FAM177A1: variants seen among roughly 807,000 people sequenced by gnomAD.
The protein encoded by FAM177A1 is family with sequence similarity 177 member A1, also known as protein FAM177A1.
A neutral mutation model predicts 26.1 loss-of-function variants in FAM177A1; 22 were observed. That is an observed-to-expected ratio of 0.84 (90% confidence interval 0.60 to 1.20). The LOEUF is 1.20. Ranked by LOEUF, FAM177A1 falls within the 50% of genes most tolerant of loss-of-function variation. The pLI is 0.00. For missense variants in FAM177A1, 296 were observed against 291.1 expected (o/e 1.02, Z -0.12); for synonymous variants, 95 against 99.3 (o/e 0.96, Z 0.26).
At chr14:35,046,845 G>T (rs890799646) in intron 1 of FAM177A1, 2 of 1,355,836 alleles carry the variant, frequency 1.5e-6, no homozygotes, top group Admixed American at 3.7e-5. Flanking sequence ...CAGCACAGCA[G>T]ACTCTGGGGC....
At chr14:35,058,945 T>G (rs1159434813) in intron 2 of FAM177A1, among the ~76,000 whole-genome samples, 1 of 152,130 alleles carries the variant, frequency 6.6e-6, no homozygotes, top group Non-Finnish European at 1.5e-5. Flanking sequence ...TTTTTTGTTT[T>G]CTTTTTTTTT....
At chr14:35,059,604 G>A (rs947460894) in intron 2 of FAM177A1, among the ~76,000 whole-genome samples, 2 of 145,882 alleles carry the variant, frequency 1.4e-5, no homozygotes, top group African/African-American at 5.1e-5. Context: ...GCGCAATCTC[G>A]GCTCACTGCA....
intron 2 of FAM177A1, among the ~76,000 whole-genome samples, chr14:35,070,950 G>A (rs937240584): frequency 6.6e-6 from 1 of 151,732 alleles, no homozygotes; most frequent in Non-Finnish European, 1.5e-5. Context: ...GGTGGAAAAT[G>A]GGTGAATTAC....
At chr14:35,074,617 C>T (rs896230408) in intron 2 of FAM177A1, among the ~76,000 whole-genome samples, 1 of 151,976 alleles carries the variant, frequency 6.6e-6, no homozygotes, top group Non-Finnish European at 1.5e-5. Context: ...TGAGCCACTG[C>T]GCCCCGCCCC....
At position 35,046,946 on chromosome 14, in the gene FAM177A1, G is replaced by A. The variant is rs138316158; in HGVS notation, c.165+318G>A. The stretch of plus-strand genomic sequence containing the variant: ...CCCAAAGGCTGTCCTTGCAGTAGCT[G>A]GAAGCCAGGTGAGGGCGGCTTCAAC... On this transcript the variant is annotated intron_variant, in intron 1 of 4. Coordinates refer to ENST00000280987, the MANE Select transcript of FAM177A1 (RefSeq NM_173607.5). 6.2e-6 allele frequency: 7 copies of A among 1,133,584 alleles called. No individual in the cohort carries two copies. The East Asian group carries it at 3.7e-4, about 60-fold the overall frequency. 70.2% of individuals were successfully genotyped at this position (1,133,584 alleles called of 1,614,324 possible). A position where few individuals can be genotyped will look rare whatever the true frequency, so the allele number is the denominator to read the frequency against.
intron 2 of FAM177A1, among the ~76,000 whole-genome samples, chr14:35,075,156 G>C (rs940859291): frequency 8.5e-5 from 13 of 152,204 alleles, no homozygotes. Context: ...GCTTCATCTA[G>C]AGAGGCAGAT....
At chr14:35,077,904 T>C (rs193072468) in intron 3 of FAM177A1, among the ~76,000 whole-genome samples, 1 of 152,364 alleles carries the variant, frequency 6.6e-6, no homozygotes, top group East Asian at 1.9e-4. Context: ...TTAATTTATA[T>C]TTCTATTTCA....
In FAM177A1 at chr14:35,081,021, GGAAGAA is replaced by G. The variant is rs756991070; in HGVS notation, c.520_525del (p.Glu174_Glu175del). ...TTCTTGATATTGCTCCTTTTTTTTA[GGAAGAA>G]GAAGAAGAAGAAGAAAACAGGATGT... is the stretch of plus-strand genomic sequence containing the variant. On this transcript the variant is annotated inframe_deletion and splice_region_variant, in exon 5 of 5. Coordinates refer to ENST00000280987, the MANE Select transcript of FAM177A1 (RefSeq NM_173607.5). 89 of 1,589,128 alleles carry G rather than the reference GGAAGAA, an allele frequency of 5.6e-5. No homozygotes were observed. The highest frequency in any genetic ancestry group is 2.9e-4 in the East Asian group (13 of 44,216).
chr14:35,081,225 A>G lies in FAM177A1; in HGVS notation c.708A>G (p.Pro236=). The stretch of plus-strand genomic sequence containing the variant: ...AGCAAAATCCAGTCTCTGTCCCACC[A>G]TAAAATGAAATGACTATCAAGCTTC... The part of the protein sequence containing the change: ...ESKQNPVSVP[P] The change falls in exon 5 of 5, where the codon CCA becomes CCG. Residue 236 remains proline (P), a synonymous_variant. Coordinates refer to ENST00000280987, the MANE Select transcript of FAM177A1 (RefSeq NM_173607.5). 1 of 1,606,692 alleles carries G rather than the reference A, an allele frequency of 6.2e-7. No homozygotes were observed. The highest frequency in any genetic ancestry group is 2.2e-5 in the East Asian group (1 of 44,758).
intron 2 of FAM177A1, among the ~76,000 whole-genome samples, chr14:35,060,119 A>G (rs1339235145): frequency 1.3e-5 from 2 of 151,954 alleles, no homozygotes; most frequent in African/African-American, 2.4e-5. Flanking sequence ...GCTTACTGGC[A>G]TGCACCACCA....
chr14:35,080,815 C>G (rs1311041863), intron 4 of FAM177A1, among the ~76,000 whole-genome samples: 1 of 151,618 alleles, frequency 6.6e-6, no homozygotes, highest in Non-Finnish European at 1.5e-5. Flanking sequence ...CAAGAAAAAA[C>G]TACTTTCCTT....
rs570844153 is a variant in FAM177A1, at chr14:35,053,028, G to T, written c.166-250G>T. Reference sequence around the variant, plus strand: ...GTATTACTGGCCAAGACATCTGGAAGTTCAGAGATACAATGCTGATAATCT... The same window carrying T: ...GTATTACTGGCCAAGACATCTGGAATTTCAGAGATACAATGCTGATAATCT... On this transcript the variant is annotated intron_variant, in intron 1 of 4. Transcript: ENST00000280987. Among the ~76,000 whole-genome samples the T allele has an allele frequency of 6.6e-5, 10 of 152,288 alleles. No individual in the cohort carries two copies. In the East Asian group the frequency reaches 1.7e-3, roughly 26 times the overall value.
intron 2 of FAM177A1, among the ~76,000 whole-genome samples, chr14:35,076,138 C>T (rs1392713650): frequency 9.2e-5 from 14 of 152,140 alleles, no homozygotes; most frequent in Admixed American, 9.2e-4. Context: ...AAGACACATA[C>T]ACATGTATGT....
At chr14:35,071,605 T>G (rs2138561091) in intron 2 of FAM177A1, among the ~76,000 whole-genome samples, 1 of 152,312 alleles carries the variant, frequency 6.6e-6, no homozygotes, top group South Asian at 2.1e-4. Flanking sequence ...ATATTCATTC[T>G]GTATAGTTGT....
chr14:35,059,768 C>T (rs950528690), intron 2 of FAM177A1, among the ~76,000 whole-genome samples: 10 of 151,878 alleles, frequency 6.6e-5, no homozygotes, highest in African/African-American at 2.2e-4. Flanking sequence ...AGGTTGGTCT[C>T]GAACTCTTGA....
chr14:35,066,694 C>T (rs1052538577), intron 2 of FAM177A1, among the ~76,000 whole-genome samples: 1 of 152,064 alleles, frequency 6.6e-6, no homozygotes, highest in Admixed American at 6.6e-5. Context: ...CGTGAGCCAC[C>T]GCGCCTGGCC....
At chr14:35,056,496 C>T (rs905194744) in intron 2 of FAM177A1, among the ~76,000 whole-genome samples, 2 of 152,090 alleles carry the variant, frequency 1.3e-5, no homozygotes, top group African/African-American at 4.8e-5. Flanking sequence ...GCTGGGACTA[C>T]AGGCACATGC....
chr14:35,072,235 ATTG>A (rs1228818191), intron 2 of FAM177A1, among the ~76,000 whole-genome samples: 2 of 152,150 alleles, frequency 1.3e-5, no homozygotes, highest in African/African-American at 4.8e-5. Flanking sequence ...AGATCGCAAC[ATTG>A]CACTCCAGCC....
At chr14:35,046,223 ACCCGCCCCGCCCCGC>A (rs896418234), upstream of FAM177A1, 9 of 328,076 alleles carry the variant, frequency 2.7e-5, no homozygotes, top group Non-Finnish European at 3.2e-5. Context: ...CCCCGCAAGG[ACCCGCCCCGCCCCGC>A]CCCGCCCCGC....
Sources: gnomAD v4.1 joint callset for allele counts (sites outside exome capture counted in the v4.1 genomes callset) on GRCh38, gnomAD v4.1.1 for gene constraint, MANE v1.5 for transcripts, NCBI Gene and HGNC (gene_info 2026-07-23, HGNC 2026-07-21) for gene names.